The following VPS53 variants were observed in gnomAD, a reference collection of about 807,000 sequenced individuals.
VPS53 encodes vacuolar protein sorting-associated protein 53 homolog.
In VPS53, 70 loss-of-function variants were observed where a neutral mutation model predicts 107.0. The observed-to-expected ratio is 0.65, with a 90% confidence interval of 0.54 to 0.80. The LOEUF is 0.80. VPS53 is among the 30% of genes least tolerant of loss of function. The pLI, the probability that VPS53 is intolerant of heterozygous loss-of-function variation, is 0.00. For missense variants in VPS53, 917 were observed against 1,049.4 expected (o/e 0.87, Z 1.74); for synonymous variants, 409 against 393.3 (o/e 1.04, Z -0.47).
At position 582,232 on chromosome 17, in the gene VPS53, C is replaced by T. The variant is rs898839680; in HGVS notation, c.1313+4038G>A. Among the ~76,000 whole-genome samples the T allele has an allele frequency of 9.4e-5, 14 of 148,594 alleles. 1 individual carries two copies. Among genetic ancestry groups the T allele is most frequent in the Non-Finnish European group, 1.8e-4 (12 of 67,160 alleles). ...CATCACTCAGAACCTAATGTGTTCC[C>T]AGAGAACCTCCCTCAGAACCTCAGT... On this transcript the variant is annotated intron_variant, in intron 13 of 21. Transcript: ENST00000437048.
rs1010848507 is a variant in VPS53 at position 604,343 on chromosome 17, G to A, written c.1117-2447C>T. Among the ~76,000 whole-genome samples the A allele has an allele frequency of 4.6e-5, 7 of 151,734 alleles. No individual in the cohort carries two copies. The South Asian group carries it at 1.0e-3, about 23-fold the overall frequency. On this transcript the variant is annotated intron_variant, in intron 11 of 21. Coordinates refer to ENST00000437048, the MANE Select transcript of VPS53 (RefSeq NM_001128159.3). ...AAAACGCAGAGGGTAGGAAGAAGTC[G>A]AGCCTACTCTCGCTGGCGTAAAGCA...
chr17:649,218 CCGAAGA>C (rs1335190819), intron 7 of VPS53, among the ~76,000 whole-genome samples: 2 of 7,392 alleles, frequency 2.7e-4, no homozygotes, highest in African/African-American at 8.2e-4. Context: ...GGAACAGGCA[CCGAAGA>C]TCTTACACTA....
chr17:544,419 T>C (rs1034521138), intron 17 of VPS53, among the ~76,000 whole-genome samples: 2 of 151,976 alleles, frequency 1.3e-5, no homozygotes, highest in African/African-American at 4.8e-5. Flanking sequence ...GCTCTTCCAC[T>C]TTTAGGCAGG....
chr17:529,197 T>C (rs1400472399), intron 19 of VPS53, among the ~76,000 whole-genome samples: 1 of 152,226 alleles, frequency 6.6e-6, no homozygotes, highest in African/African-American at 2.4e-5. Context: ...TGTGTGGGTC[T>C]ATCCCTCAGC....
At chr17:589,064 A>G (rs1305023418) in intron 12 of VPS53, among the ~76,000 whole-genome samples, 2 of 151,934 alleles carry the variant, frequency 1.3e-5, no homozygotes, top group Non-Finnish European at 1.5e-5. Flanking sequence ...AATAATAATG[A>G]TAAGTATTAT....
chr17:618,941 G>A (rs1409916497), intron 11 of VPS53, among the ~76,000 whole-genome samples: 2 of 132,536 alleles, frequency 1.5e-5, no homozygotes, highest in Non-Finnish European at 1.6e-5. Flanking sequence ...CGCCCACCAC[G>A]CCTGCTAATA....
intron 12 of VPS53, among the ~76,000 whole-genome samples, chr17:598,418 G>A (rs577857445): frequency 1.3e-5 from 2 of 151,778 alleles, no homozygotes; most frequent in African/African-American, 4.8e-5. Flanking sequence ...CTGCCTGGCC[G>A]CCCATCATCT....
intron 14 of VPS53, among the ~76,000 whole-genome samples, chr17:560,995 C>T (rs1252941616): frequency 1.3e-5 from 2 of 149,106 alleles, no homozygotes; most frequent in African/African-American, 2.5e-5. Flanking sequence ...GACATAAGCG[C>T]ATGTTAAGAG....
At position 655,972 on chromosome 17, in the gene VPS53, CAAGA is replaced by C. The variant is rs534867461; in HGVS notation, c.373-23_373-20del. The C allele has an allele frequency of 7.2e-5, 116 of 1,603,374 alleles. No individual in the cohort carries two copies. In the East Asian group the frequency reaches 1.9e-3, roughly 27 times the overall value. On this transcript the variant is annotated intron_variant, in intron 5 of 21. Coordinates refer to ENST00000437048, the MANE Select transcript of VPS53 (RefSeq NM_001128159.3). ...CTTTCACCTAAACATTGAAAAACCACAAGAAAGAAAGGAAGACGGTCAAGAAAGA... is the reference window on the plus strand; with the variant it reads ...CTTTCACCTAAACATTGAAAAACCACAAGAAAGGAAGACGGTCAAGAAAGA...
chr17:626,952 G>A (rs572161287), intron 10 of VPS53, among the ~76,000 whole-genome samples: 3 of 152,256 alleles, frequency 2.0e-5, no homozygotes, highest in South Asian at 4.1e-4. Context: ...AGAAGGTAGA[G>A]ATGGCTTGAG....
rs191623251 is a variant in VPS53, at chr17:515,678, C to A, written c.*3450G>T. On this transcript the variant is annotated 3_prime_UTR_variant, in exon 22 of 22. Coordinates refer to ENST00000437048, the MANE Select transcript of VPS53 (RefSeq NM_001128159.3). ...CCCGGCCTAGGGTGCCCCTTTGATA[C>A]GTTATTTTTGAAGTGATGTTAATAA... 6.6e-6 allele frequency: 1 copy of A among 151,994 alleles called. No homozygotes were observed. The highest frequency in any genetic ancestry group is 2.4e-5 in the African/African-American group (1 of 41,392). 9.4% of individuals were successfully genotyped at this position (151,994 alleles called of 1,614,324 possible).
At chr17:578,609 T>G (rs1914866345) in intron 13 of VPS53, among the ~76,000 whole-genome samples, 2 of 150,332 alleles carry the variant, frequency 1.3e-5, no homozygotes, top group South Asian at 4.2e-4. Flanking sequence ...AGAACCTCCC[T>G]CAGAACCTCA....
intron 10 of VPS53, 85 bp downstream of exon 10, chr17:627,089 C>A: frequency 6.7e-7 from 1 of 1,498,856 alleles, no homozygotes; most frequent in South Asian, 1.4e-5. Flanking sequence ...ATCAAATCCA[C>A]AGGACAACAT....
intron 5 of VPS53, among the ~76,000 whole-genome samples, 192 bp from the exon 6 acceptor site, chr17:656,145 A>G (rs1971178677): frequency 6.6e-6 from 1 of 152,184 alleles, no homozygotes; most frequent in Non-Finnish European, 1.5e-5. Context: ...ATCTCTTTGG[A>G]CTTTACTCAG....
intron 19 of VPS53, among the ~76,000 whole-genome samples, chr17:526,283 C>A (rs936388877): frequency 1.3e-5 from 2 of 152,140 alleles, no homozygotes; most frequent in African/African-American, 4.8e-5. Flanking sequence ...TACTTTTCTA[C>A]TTCCCAGAGA....
intron 12 of VPS53, among the ~76,000 whole-genome samples, chr17:590,448 C>CTT (rs1433651667): frequency 2.7e-5 from 4 of 150,736 alleles, no homozygotes; most frequent in African/African-American, 9.7e-5. Context: ...GCATCCCTGT[C>CTT]TTGTGCCAGT....
chr17:660,527 C>A (rs10221224), intron 5 of VPS53, among the ~76,000 whole-genome samples: 7,642 of 152,224 alleles, frequency 0.05, 632 homozygotes, highest in African/African-American at 0.17. Flanking sequence ...AGATTAGCAT[C>A]ATAAGGATAT....
Position 586,331 on chromosome 17 carries a change from G to A in VPS53, c.1252C>T (p.His418Tyr), listed in dbSNP as rs375023587. ...TCAAAACACTTGGAAACAATGCCATGAAATGGATTGTCTGGGGCTTTAGGC... is the reference window on the plus strand; with the variant it reads ...TCAAAACACTTGGAAACAATGCCATAAAATGGATTGTCTGGGGCTTTAGGC... Reference protein sequence around the residue: ...KKPKAPDNPFHGIVSKCFEPH... With the variant: ...KKPKAPDNPFYGIVSKCFEPH... Residue 418 changes from histidine (H) to tyrosine (Y), a missense_variant, in exon 13 of 22, where the codon CAT becomes TAT. Coordinates refer to ENST00000437048, the MANE Select transcript of VPS53 (RefSeq NM_001128159.3). 1 of 1,614,126 alleles carries A rather than the reference G, an allele frequency of 6.2e-7. No individual in the cohort carries two copies. The highest frequency in any genetic ancestry group is 8.5e-7 in the Non-Finnish European group (1 of 1,179,968).
chr17:699,890 A>G (rs1973130450), intron 2 of VPS53, among the ~76,000 whole-genome samples: 1 of 152,224 alleles, frequency 6.6e-6, no homozygotes, highest in African/African-American at 2.4e-5. Context: ...TTTCACTAAC[A>G]TAATTCTCCT....
Sources: allele counts gnomAD v4.1 joint callset (sites outside exome capture counted in the v4.1 genomes callset), GRCh38; gene constraint gnomAD v4.1.1; transcripts MANE v1.5; gene names NCBI Gene and HGNC (gene_info 2026-07-23, HGNC 2026-07-21).